TSPAN11: variants seen among roughly 807,000 people sequenced by gnomAD.
TSPAN11 encodes tetraspanin 11, also known as tetraspanin-11.
In TSPAN11, 29 loss-of-function variants were observed where a neutral mutation model predicts 32.9. The ratio of observed to expected loss-of-function variants is 0.88; its 90% CI spans 0.66 to 1.20. The LOEUF (loss-of-function observed/expected upper bound fraction) is 1.20. Ranked by LOEUF, TSPAN11 falls within the 50% of genes most tolerant of loss-of-function variation. TSPAN11 has a pLI of 0.00. For missense variants in TSPAN11, 283 were observed against 329.1 expected, an observed-to-expected ratio of 0.86 and a Z score of 1.08; for synonymous variants, 140 against 141.3, an observed-to-expected ratio of 0.99 and a Z score of 0.07.
chr12:30,928,257 G>A (rs1565785351), intron 1 of TSPAN11, among the ~76,000 whole-genome samples: 1 of 152,160 alleles, frequency 6.6e-6, no homozygotes, highest in Non-Finnish European at 1.5e-5. Context: ...CTTCAGATGA[G>A]CCCAGGACAT....
chr12:30,987,054 C>T (rs1034504136), intron 7 of TSPAN11, among the ~76,000 whole-genome samples: 4 of 152,202 alleles, frequency 2.6e-5, no homozygotes, highest in Admixed American at 1.3e-4. Context: ...TGTGCTGAAA[C>T]GAAGGGTAAA....
chr12:30,957,714 TC>T lies in TSPAN11; in HGVS notation c.84+3641del, dbSNP rs1938516622. Among the ~76,000 whole-genome samples, 3 of 79,852 alleles carry T rather than the reference TC, an allele frequency of 3.8e-5. 1 individual carries two copies. Among genetic ancestry groups the T allele is most frequent in the African/African-American group, 1.2e-4 (2 of 16,554 alleles). 52.4% of individuals were successfully genotyped at this position (79,852 alleles called of 152,430 possible). A position where few individuals can be genotyped will look rare whatever the true frequency, so the allele number is the denominator to read the frequency against. ...CTCCCTCCCTCCCTCCCTCCTTCCT[TC>T]CTTCCTTCCTTCCCTCCTTCCCTCC... On this transcript the variant is annotated intron_variant, in intron 2 of 7. Transcript: ENST00000546076.
At chr12:30,986,429 A>G (rs1374175355) in intron 7 of TSPAN11, among the ~76,000 whole-genome samples, 1 of 152,212 alleles carries the variant, frequency 6.6e-6, no homozygotes, top group Admixed American at 6.5e-5. Context: ...ATCACGTAGG[A>G]GCCCAGTACA....
intron 7 of TSPAN11, among the ~76,000 whole-genome samples, chr12:30,988,071 G>A (rs1055777038): frequency 3.9e-5 from 6 of 152,210 alleles, no homozygotes; most frequent in African/African-American, 1.4e-4. Flanking sequence ...GCCCCTCCAT[G>A]CTGAAGTTCT....
At position 30,957,713 on chromosome 12, in the gene TSPAN11, T is replaced by TTCCTTCCC. The variant is rs1592475041; in HGVS notation, c.84+3645_84+3646insCTCCTTCC. ...CCTCCCTCCCTCCCTCCCTCCTTCC[T>TTCCTTCCC]TCCTTCCTTCCTTCCCTCCTTCCCT... On this transcript the variant is annotated intron_variant, in intron 2 of 7. Coordinates refer to ENST00000546076, the MANE Select transcript of TSPAN11 (RefSeq NM_001370302.1). 7.6e-3 allele frequency among the ~76,000 whole-genome samples: 325 copies of TTCCTTCCC among 42,990 alleles called. 23 individuals are homozygous for TTCCTTCCC. The highest frequency in any genetic ancestry group is 0.034 in the South Asian group (24 of 714). The allele number at this position is 42,990 out of a possible 152,430, so 28.2% of individuals were successfully genotyped here.
At chr12:30,951,736 C>T (rs577263257) in intron 1 of TSPAN11, among the ~76,000 whole-genome samples, 2 of 152,300 alleles carry the variant, frequency 1.3e-5, no homozygotes, top group East Asian at 1.9e-4. Flanking sequence ...GCAAAGCTAG[C>T]TTTCAGATCC....
intron 3 of TSPAN11, among the ~76,000 whole-genome samples, chr12:30,966,701 C>A (rs1310221625): frequency 1.3e-5 from 2 of 152,184 alleles, no homozygotes; most frequent in Non-Finnish European, 2.9e-5. Flanking sequence ...CAGGGCACAC[C>A]CTGCCCTCCA....
chr12:30,969,625 A>G (rs1390829916), intron 3 of TSPAN11, among the ~76,000 whole-genome samples: 1 of 152,134 alleles, frequency 6.6e-6, no homozygotes, highest in Non-Finnish European at 1.5e-5. Context: ...GATCACCACA[A>G]TCCAGCAGCA....
At chr12:30,939,929 A>G (rs568777707) in intron 1 of TSPAN11, among the ~76,000 whole-genome samples, 2 of 152,336 alleles carry the variant, frequency 1.3e-5, no homozygotes, top group African/African-American at 4.8e-5. Flanking sequence ...TTTGATGTAC[A>G]ATGGACATAG....
At chr12:30,937,177 G>A (rs1938062311) in intron 1 of TSPAN11, among the ~76,000 whole-genome samples, 1 of 152,194 alleles carries the variant, frequency 6.6e-6, no homozygotes, top group African/African-American at 2.4e-5. Flanking sequence ...TGGGTTAAGT[G>A]GGCGGTGGAG....
At chr12:30,959,625 C>A (rs1280401379) in intron 2 of TSPAN11, among the ~76,000 whole-genome samples, 3 of 150,872 alleles carry the variant, frequency 2.0e-5, no homozygotes, top group East Asian at 3.9e-4. Context: ...AAAAAAAATA[C>A]AAAAATTAGC....
chr12:30,994,401 T>G lies in TSPAN11; in HGVS notation c.*2486T>G, dbSNP rs551707218. The stretch of plus-strand genomic sequence containing the variant: ...CAGTCCCGTGCAGGCAAAAGGCCCC[T>G]GCACACCAGGGCCCTAGGAAAGCAG... On this transcript the variant is annotated 3_prime_UTR_variant, in exon 8 of 8. Transcript: ENST00000546076. 1 of 152,198 alleles carries G rather than the reference T, an allele frequency of 6.6e-6. No individual in the cohort carries two copies. The highest frequency in any genetic ancestry group is 2.4e-5 in the African/African-American group (1 of 41,434). 9.4% of individuals were successfully genotyped at this position (152,198 alleles called of 1,614,324 possible).
rs139902585 is a variant in TSPAN11 at position 30,952,315 on chromosome 12, C to A, written c.-11-1666C>A. Among the ~76,000 whole-genome samples the A allele has an allele frequency of 3.4e-4, 52 of 152,318 alleles. 2 individuals are homozygous for A. In the East Asian group the frequency reaches 0.01, roughly 30 times the overall value. On this transcript the variant is annotated intron_variant, in intron 1 of 7. Coordinates refer to ENST00000546076, the MANE Select transcript of TSPAN11 (RefSeq NM_001370302.1). ...GCACCTGGTCTCTTGTCAGGACTGACTGCATAATGGCCGTGAAATCGCTCC... is the reference window on the plus strand; with the variant it reads ...GCACCTGGTCTCTTGTCAGGACTGAATGCATAATGGCCGTGAAATCGCTCC...
At chr12:30,991,814 G>A (rs890770971) in intron 7 of TSPAN11, 42 bp from the exon 8 acceptor site, 5 of 1,612,650 alleles carry the variant, frequency 3.1e-6, no homozygotes, top group Non-Finnish European at 4.2e-6. Flanking sequence ...GCTTCCAGGA[G>A]TTCTGATTTC....
chr12:30,943,907 T>G (rs1354041595), intron 1 of TSPAN11, among the ~76,000 whole-genome samples: 1 of 152,194 alleles, frequency 6.6e-6, no homozygotes, highest in Non-Finnish European at 1.5e-5. Context: ...CCAAGTTTCA[T>G]TAGAGGCCTA....
chr12:30,990,576 A>C (rs1301747397), intron 7 of TSPAN11, among the ~76,000 whole-genome samples: 1 of 152,194 alleles, frequency 6.6e-6, no homozygotes, highest in Non-Finnish European at 1.5e-5. Context: ...GGCTGAAAGC[A>C]GTGTTCACAC....
At chr12:30,991,124 C>T (rs1939304325) in intron 7 of TSPAN11, among the ~76,000 whole-genome samples, 1 of 152,216 alleles carries the variant, frequency 6.6e-6, no homozygotes, top group African/African-American at 2.4e-5. Context: ...GGACCAGATG[C>T]TCCAGCCCCT....
chr12:30,951,906 A>T (rs1481633291), intron 1 of TSPAN11, among the ~76,000 whole-genome samples: 1 of 152,224 alleles, frequency 6.6e-6, no homozygotes, highest in African/African-American at 2.4e-5. Flanking sequence ...TTAAATATGC[A>T]TCTTAAATAT....
chr12:30,944,482 T>A (rs1331527578), intron 1 of TSPAN11, among the ~76,000 whole-genome samples: 1 of 152,180 alleles, frequency 6.6e-6, no homozygotes, highest in African/African-American at 2.4e-5. Flanking sequence ...TTATTTGTCT[T>A]CCTGTGCCTG....
Sources: allele counts gnomAD v4.1 joint callset (sites outside exome capture counted in the v4.1 genomes callset), GRCh38; gene constraint gnomAD v4.1.1; transcripts MANE v1.5; gene names NCBI Gene and HGNC (gene_info 2026-07-23, HGNC 2026-07-21).